Variants in ABLIM3 observed in about 807,000 individuals in gnomAD.
The protein encoded by ABLIM3 is actin-binding LIM protein 3.
In ABLIM3, 61 loss-of-function variants were observed where a neutral mutation model predicts 109.5. The ratio of observed to expected loss-of-function variants is 0.56; its 90% confidence interval spans 0.45 to 0.69. The LOEUF (loss-of-function observed/expected upper bound fraction) is 0.69, where lower values mean the gene tolerates loss of function less well. Ranked by LOEUF, ABLIM3 falls within the 30% of genes least tolerant of loss-of-function variation. The probability of loss-of-function intolerance (pLI) is 0.00; values close to 1 mark genes in which losing one functional copy is unlikely to be tolerated. For synonymous variants in ABLIM3, 300 were observed against 324.8 expected (o/e 0.92, Z 0.82); for missense variants, 796 against 889.5 (o/e 0.89, Z 1.34).
intron 2 of ABLIM3, among the ~76,000 whole-genome samples, chr5:149,179,090 G>A (rs1034041321): frequency 5.3e-5 from 8 of 152,226 alleles, no homozygotes; most frequent in East Asian, 1.9e-4. Context: ...TCATTTACCC[G>A]GAGGTCGGTC....
intron 3 of ABLIM3, among the ~76,000 whole-genome samples, chr5:149,187,472 T>C (rs1041662822): frequency 6.6e-5 from 10 of 152,244 alleles, no homozygotes; most frequent in African/African-American, 2.4e-4. Flanking sequence ...GGAAAGATTA[T>C]GTATTCAGCA....
chr5:149,186,538 A>G (rs1378339391), intron 3 of ABLIM3, among the ~76,000 whole-genome samples: 1 of 152,202 alleles, frequency 6.6e-6, no homozygotes, highest in East Asian at 1.9e-4. Context: ...ACAATATATA[A>G]AATATGTAAT....
intron 2 of ABLIM3, among the ~76,000 whole-genome samples, chr5:149,173,358 C>G (rs186462534): frequency 1.3e-5 from 2 of 152,344 alleles, no homozygotes; most frequent in Admixed American, 1.3e-4. Context: ...CTTGCAACGG[C>G]TTCAGGAATT....
intron 12 of ABLIM3, 38 bp downstream of exon 12, chr5:149,239,315 T>A (rs770855628): frequency 6.2e-7 from 1 of 1,607,992 alleles, no homozygotes; most frequent in South Asian, 1.1e-5. Flanking sequence ...GATATATAAT[T>A]GTGCCCCTTT....
chr5:149,247,242 T>C (rs781083468), intron 17 of ABLIM3, among the ~76,000 whole-genome samples: 1 of 152,172 alleles, frequency 6.6e-6, no homozygotes, highest in Non-Finnish European at 1.5e-5. Flanking sequence ...ATATGCAGAA[T>C]AGGCAAATCC....
At chr5:149,257,827 T>G (rs1416243500) in intron 23 of ABLIM3, among the ~76,000 whole-genome samples, 1 of 152,244 alleles carries the variant, frequency 6.6e-6, no homozygotes, top group African/African-American at 2.4e-5. Flanking sequence ...TTGACTGGCC[T>G]GATGAACAGC....
At chr5:149,195,323 T>C (rs755700668) in intron 3 of ABLIM3, among the ~76,000 whole-genome samples, 2 of 152,234 alleles carry the variant, frequency 1.3e-5, no homozygotes, top group South Asian at 2.1e-4. Context: ...TATATTTACA[T>C]TGAGCATTTA....
At chr5:149,166,429 G>C (rs1030434445) in intron 2 of ABLIM3, among the ~76,000 whole-genome samples, 4 of 152,256 alleles carry the variant, frequency 2.6e-5, no homozygotes, top group African/African-American at 9.6e-5. Flanking sequence ...TTCATCCCTG[G>C]GCAGCTCTGG....
intron 6 of ABLIM3, 78 bp from the exon 7 acceptor site, chr5:149,210,648 G>C (rs1309840552): frequency 2.4e-6 from 3 of 1,239,980 alleles, no homozygotes; most frequent in Non-Finnish European, 3.6e-6. Context: ...ATAGGCTGCA[G>C]GTCCAGAATC....
chr5:149,247,211 G>T (rs1405191595), intron 17 of ABLIM3, among the ~76,000 whole-genome samples: 1 of 152,214 alleles, frequency 6.6e-6, no homozygotes, highest in African/African-American at 2.4e-5. Flanking sequence ...GTCGCATATT[G>T]TGTGATTCCA....
chr5:149,143,925 G>T (rs1752705571), intron 2 of ABLIM3, among the ~76,000 whole-genome samples: 15 of 152,142 alleles, frequency 9.9e-5, no homozygotes, highest in Admixed American at 9.2e-4. Flanking sequence ...AGAAAAGAAA[G>T]ATGGCTCATC....
chr5:149,254,058 A>G (rs1754211094), intron 23 of ABLIM3, among the ~76,000 whole-genome samples: 1 of 152,112 alleles, frequency 6.6e-6, no homozygotes, highest in Non-Finnish European at 1.5e-5. Context: ...AGACTTATTC[A>G]CTACCAGGAG....
intron 18 of ABLIM3, 66 bp from the exon 19 acceptor site, chr5:149,249,749 A>G (rs1753748487): frequency 6.3e-7 from 1 of 1,598,384 alleles, no homozygotes; most frequent in Admixed American, 1.7e-5. Flanking sequence ...CTTTGTCCCC[A>G]TGAATTGTCT....
intron 11 of ABLIM3, among the ~76,000 whole-genome samples, chr5:149,238,809 C>T (rs1752494489): frequency 6.6e-6 from 1 of 152,216 alleles, no homozygotes; most frequent in Admixed American, 6.5e-5. Context: ...TGGCCCCAGC[C>T]TGGCCCCTGC....
At chr5:149,224,180 T>C (rs1760938961) in intron 8 of ABLIM3, among the ~76,000 whole-genome samples, 2 of 152,270 alleles carry the variant, frequency 1.3e-5, no homozygotes, top group Admixed American at 6.5e-5. Flanking sequence ...ATATTAGTTA[T>C]AATAGTAACA....
chr5:149,244,926 G>A lies in ABLIM3; in HGVS notation c.1397G>A (p.Ser466Asn), dbSNP rs1213419794. The A allele has an allele frequency of 6.2e-7, 1 of 1,614,028 alleles. No individual in the cohort carries two copies. Among genetic ancestry groups the A allele is most frequent in the South Asian group, 1.1e-5 (1 of 91,084 alleles). ...ATKSKTSEDI[S>N]QTSKYSPIYS... Reference sequence around the variant, plus strand: ...AAGAGCAAAACAAGTGAAGACATCAGCCAGACCTCCAAGTACAGTCCCATC... The same window carrying A: ...AAGAGCAAAACAAGTGAAGACATCAACCAGACCTCCAAGTACAGTCCCATC... The change falls in exon 16 of 24, where the codon AGC (serine) becomes AAC (asparagine). Residue 466 changes from serine to asparagine, a missense_variant. Coordinates refer to ENST00000309868, the MANE Select transcript of ABLIM3 (RefSeq NM_014945.5).
At chr5:149,185,460 C>G (rs1326307261) in intron 3 of ABLIM3, among the ~76,000 whole-genome samples, 1 of 152,128 alleles carries the variant, frequency 6.6e-6, no homozygotes, top group African/African-American at 2.4e-5. Flanking sequence ...GCCAAATGGC[C>G]AACCCAGATT....
At chr5:149,233,159 C>A in intron 9 of ABLIM3, 70 bp from the exon 10 acceptor site, 2 of 1,368,972 alleles carry the variant, frequency 1.5e-6, no homozygotes, top group Non-Finnish European at 2.1e-6. Context: ...ATTCTTAACC[C>A]CCTGTCTCAC....
intron 2 of ABLIM3, among the ~76,000 whole-genome samples, chr5:149,169,191 C>T (rs371149955): frequency 8.1e-5 from 12 of 147,386 alleles, no homozygotes; most frequent in South Asian, 2.2e-4. Flanking sequence ...ATGTTTGCAG[C>T]GACAAGCGAC....
Sources: gnomAD v4.1 joint callset for allele counts (sites outside exome capture counted in the v4.1 genomes callset) on GRCh38, gnomAD v4.1.1 for gene constraint, MANE v1.5 for transcripts, NCBI Gene and HGNC (gene_info 2026-07-23, HGNC 2026-07-21) for gene names.